UXS1: variants seen among roughly 807,000 people sequenced by gnomAD.
UXS1 encodes the protein UDP-glucuronic acid decarboxylase 1.
Under a neutral mutation model 62.6 loss-of-function variants are expected in UXS1, and 33 were observed. The ratio of observed to expected loss-of-function variants is 0.53; its 90% confidence interval spans 0.40 to 0.70. The LOEUF (loss-of-function observed/expected upper bound fraction) is 0.70, where lower values mean the gene tolerates loss of function less well. Among genes scored for constraint, UXS1 ranks in the 30% least tolerant of loss-of-function variants. UXS1 has a pLI of 0.00. For synonymous variants in UXS1, 213 were observed against 206.8 expected (o/e 1.03, Z -0.26); for missense variants, 434 against 556.3 (o/e 0.78, Z 2.21).
rs1006532657 is a variant in UXS1, at chr2:106,113,347, C to A, written c.760-582G>T. 2.0e-5 allele frequency among the ~76,000 whole-genome samples: 3 copies of A among 152,252 alleles called. No homozygotes were observed. The South Asian group carries it at 6.2e-4, about 32-fold the overall frequency. The stretch of plus-strand genomic sequence containing the variant: ...TGAGAAACTAAATACAACTTAGTGC[C>A]CAGTATAGGTTATTAGCTAATGGCC... On this transcript the variant is annotated intron_variant, in intron 9 of 14. Transcript: ENST00000283148.
At chr2:106,095,154 C>T (rs1480413000) in intron 14 of UXS1, among the ~76,000 whole-genome samples, 1 of 152,194 alleles carries the variant, frequency 6.6e-6, no homozygotes, top group Admixed American at 6.5e-5. Flanking sequence ...AGCATACACA[C>T]ACCTCACATA....
chr2:106,172,853 A>C (rs181300068), intron 1 of UXS1, among the ~76,000 whole-genome samples: 115 of 152,288 alleles, frequency 7.6e-4, no homozygotes, highest in Admixed American at 2.4e-3. Flanking sequence ...GTCATTCCTC[A>C]GACTTGCCAC....
chr2:106,102,243 G>A (rs1202892821), intron 11 of UXS1: 1 of 152,180 alleles, frequency 6.6e-6, no homozygotes, highest in Non-Finnish European at 1.5e-5. Context: ...TCATCACTAT[G>A]GCAGTATTGC....
intron 9 of UXS1, among the ~76,000 whole-genome samples, chr2:106,117,690 GC>G (rs771623009): frequency 2.0e-5 from 3 of 152,184 alleles, no homozygotes; most frequent in Non-Finnish European, 4.4e-5. Flanking sequence ...AGGTACAGCA[GC>G]CCAGGCTCTC....
chr2:106,123,599 C>G (rs1409642942), intron 8 of UXS1, among the ~76,000 whole-genome samples: 1 of 152,114 alleles, frequency 6.6e-6, no homozygotes, highest in Admixed American at 6.5e-5. Context: ...GGTGGAGGGA[C>G]GGGGTGCCCC....
chr2:106,186,435 T>A (rs1040429963), intron 1 of UXS1, among the ~76,000 whole-genome samples: 1 of 138,558 alleles, frequency 7.2e-6, no homozygotes, highest in African/African-American at 2.7e-5. Context: ...AAAACTGCTC[T>A]GGGCTTTTAT....
chr2:106,159,422 G>A (rs773889231), intron 4 of UXS1: 4 of 152,224 alleles, frequency 2.6e-5, no homozygotes, highest in Admixed American at 6.5e-5. Context: ...CTGTCTCTGT[G>A]GATCTGCTCT....
intron 5 of UXS1, among the ~76,000 whole-genome samples, chr2:106,145,788 G>T (rs149267571): frequency 1.1e-3 from 171 of 152,172 alleles, no homozygotes; most frequent in Admixed American, 2.5e-3. Context: ...AAAATGCAGA[G>T]ATTTGGTGAA....
In UXS1 at chr2:106,180,295, C is replaced by T. The variant is rs139716157; in HGVS notation, c.94+13853G>A. 4.7e-3 allele frequency among the ~76,000 whole-genome samples: 713 copies of T among 152,348 alleles called. 8 individuals carry two copies. The highest frequency in any genetic ancestry group is 0.016 in the African/African-American group (657 of 41,578). On this transcript the variant is annotated intron_variant, in intron 1 of 14. Transcript: ENST00000283148. The stretch of plus-strand genomic sequence containing the variant: ...GGAAGGGAGCGATGCTTTCCATATA[C>T]TTCCAGACTGTTTGACTGTTAAAAT...
intron 11 of UXS1, among the ~76,000 whole-genome samples, chr2:106,103,967 G>A (rs1041143250): frequency 3.9e-5 from 6 of 152,084 alleles, no homozygotes; most frequent in East Asian, 1.9e-4. Context: ...GGGCTGCCCC[G>A]ACCTGCACAA....
At chr2:106,128,157 G>T (rs1573465663) in intron 7 of UXS1, among the ~76,000 whole-genome samples, 2 of 152,250 alleles carry the variant, frequency 1.3e-5, no homozygotes, top group East Asian at 3.9e-4. Flanking sequence ...TGATGGAGGG[G>T]GGCGGGACAG....
chr2:106,099,290 G>C (rs1677390451), intron 12 of UXS1, among the ~76,000 whole-genome samples: 1 of 152,138 alleles, frequency 6.6e-6, no homozygotes, highest in African/African-American at 2.4e-5. Flanking sequence ...CATGAAGAGA[G>C]AATACTTGTG....
intron 5 of UXS1, among the ~76,000 whole-genome samples, chr2:106,152,536 AAGAG>A (rs575538483): frequency 1.5e-3 from 219 of 150,662 alleles, no homozygotes; most frequent in Middle Eastern, 0.01. Context: ...AAAGAAAGAA[AAGAG>A]AGAGAGAAAG....
At chr2:106,104,592 G>A (rs1450061807) in intron 11 of UXS1, among the ~76,000 whole-genome samples, 1 of 152,246 alleles carries the variant, frequency 6.6e-6, no homozygotes, top group African/African-American at 2.4e-5. Context: ...AGTCACGATA[G>A]TCATGGAGAT....
intron 12 of UXS1, among the ~76,000 whole-genome samples, chr2:106,099,723 C>T (rs185131609): frequency 6.6e-6 from 1 of 152,208 alleles, no homozygotes; most frequent in Non-Finnish European, 1.5e-5. Context: ...GAACCTGCAA[C>T]AAAAACGCAG....
chr2:106,145,857 A>G (rs549596830), intron 5 of UXS1, among the ~76,000 whole-genome samples: 2 of 152,378 alleles, frequency 1.3e-5, no homozygotes, highest in South Asian at 4.1e-4. Context: ...GGAAAAACAA[A>G]TATCTTTTAA....
At chr2:106,173,448 G>A (rs1683687307) in intron 1 of UXS1, among the ~76,000 whole-genome samples, 1 of 152,146 alleles carries the variant, frequency 6.6e-6, no homozygotes, top group Non-Finnish European at 1.5e-5. Context: ...CTGCTACTCA[G>A]GAAGCTGAGG....
At chr2:106,098,069 G>C (rs1486128123) in intron 13 of UXS1, among the ~76,000 whole-genome samples, 1 of 152,234 alleles carries the variant, frequency 6.6e-6, no homozygotes, top group Non-Finnish European at 1.5e-5. Context: ...TGGCCTACCT[G>C]CCAGTCTAGT....
chr2:106,186,457 T>TATACACACACACAC (rs375660148), intron 1 of UXS1, among the ~76,000 whole-genome samples: 73 of 148,800 alleles, frequency 4.9e-4, no homozygotes, highest in African/African-American at 1.7e-3. Context: ...TATATATATA[T>TATACACACACACAC]ACACACACAC....
Sources: allele counts gnomAD v4.1 joint callset (sites outside exome capture counted in the v4.1 genomes callset), GRCh38; gene constraint gnomAD v4.1.1; transcripts MANE v1.5; gene names NCBI Gene and HGNC (gene_info 2026-07-23, HGNC 2026-07-21).